The following BSN variants were observed in gnomAD, a reference collection of about 807,000 sequenced individuals.
BSN encodes the protein bassoon presynaptic cytomatrix protein, also known as protein bassoon.
BSN carries 57 observed loss-of-function variants against 264.8 expected under a neutral mutation model. That is an observed-to-expected ratio of 0.22 (90% CI 0.17 to 0.27). The LOEUF (loss-of-function observed/expected upper bound fraction) is 0.27, where lower values mean the gene tolerates loss of function less well. Among genes scored for constraint, BSN ranks in the 10% least tolerant of loss-of-function variants. The pLI is 1.00. For missense variants in BSN, 4,615 were observed against 5,232.5 expected (o/e 0.88, Z 3.64); for synonymous variants, 2,059 against 2,137.3 (o/e 0.96, Z 1.01).
At chr3:49,666,088 A>G (rs2052711293) in intron 11 of BSN, among the ~76,000 whole-genome samples, 2 of 152,222 alleles carry the variant, frequency 1.3e-5, no homozygotes, top group African/African-American at 4.8e-5. Flanking sequence ...AGCCAGGACC[A>G]CTGACCATCA....
chr3:49,611,738 T>C (rs1011825990), intron 1 of BSN, among the ~76,000 whole-genome samples: 1 of 152,228 alleles, frequency 6.6e-6, no homozygotes, highest in African/African-American at 2.4e-5. Context: ...AAGGTCTTAG[T>C]GCAGGAATGC....
chr3:49,567,207 G>T (rs2051758935), intron 1 of BSN, among the ~76,000 whole-genome samples: 1 of 152,006 alleles, frequency 6.6e-6, no homozygotes, highest in Non-Finnish European at 1.5e-5. Flanking sequence ...TTGCCCTTAG[G>T]TTATCCCTTT....
At chr3:49,565,858 A>G (rs1362384189) in intron 1 of BSN, among the ~76,000 whole-genome samples, 1 of 151,966 alleles carries the variant, frequency 6.6e-6, no homozygotes, top group Non-Finnish European at 1.5e-5. Flanking sequence ...GTCTCGCCCT[A>G]TTGCCTAGGC....
chr3:49,613,845 C>T (rs1343539395), intron 1 of BSN, among the ~76,000 whole-genome samples: 1 of 151,904 alleles, frequency 6.6e-6, no homozygotes, highest in Non-Finnish European at 1.5e-5. Context: ...TGCGTTCAGA[C>T]ATTCAAGAAC....
Position 49,580,978 on chromosome 3 carries a change from CT to C in BSN, c.224+26166del, listed in dbSNP as rs71080537. The stretch of plus-strand genomic sequence containing the variant: ...GACCCCTTTCTTCAGCGCCTGTTAA[CT>C]TTTTTTTTTTTTTCTTTTTGAGACA... On this transcript the variant is annotated intron_variant, in intron 1 of 11. Transcript: ENST00000296452. Among the ~76,000 whole-genome samples, 135 of 143,828 alleles carry C rather than the reference CT, an allele frequency of 9.4e-4. 1 individual carries two copies. In the South Asian group the frequency reaches 0.012, roughly 13 times the overall value. 94.4% of individuals were successfully genotyped at this position (143,828 alleles called of 152,430 possible). A position where few individuals can be genotyped will look rare whatever the true frequency, so the allele number is the denominator to read the frequency against.
chr3:49,658,183 G>T lies in BSN; in HGVS notation c.8627G>T (p.Gly2876Val), dbSNP rs200873893. The T allele has an allele frequency of 3.2e-5, 51 of 1,569,750 alleles. No individual in the cohort carries two copies. The highest frequency in any genetic ancestry group is 9.3e-5 in the South Asian group (8 of 86,450). The change falls in exon 5 of 12, where the codon GGA (glycine) becomes GTA (valine). Residue 2876 changes from glycine to valine, a missense_variant. By Grantham distance (109) the Gly-to-Val change is moderately radical. Around this residue, in one of 3 missense-constraint regions of BSN, gnomAD observed 3,415 missense variants for 3,866.4 expected, o/e 0.88. Coordinates refer to ENST00000296452, the MANE Select transcript of BSN (RefSeq NM_003458.4). The part of the protein sequence containing the change: ...ERFSLYQHQG[G>V]LGSQVSALPP... Reference sequence around the variant, plus strand: ...TTCTCCCTCTACCAGCACCAGGGGGGACTGGGTAGCCAGGTATGGGAACAG... The same window carrying T: ...TTCTCCCTCTACCAGCACCAGGGGGTACTGGGTAGCCAGGTATGGGAACAG...
rs753089941 is a variant in BSN, at chr3:49,651,873, T to C, written c.2317T>C (p.Ser773Pro). Residue 773 changes from serine (S) to proline (P), a missense_variant, in exon 5 of 12, where the codon TCT (serine) becomes CCT (proline). By Grantham distance (74) the Ser-to-Pro change is moderately conservative (BLOSUM62 -1). Transcript: ENST00000296452. This position sits in a 1 kb window ranked among gnomAD's most constrained non-coding sequence, Gnocchi z 5.4. ...GTCCATCACGCCTGAGGCCTTTGAC[T>C]CTGATGAGGAGCTGGAGGATATCCT... ...SLSITPEAFD[S>P]DEELEDILEE... 6.2e-7 allele frequency: 1 copy of C among 1,613,964 alleles called. No individual in the cohort carries two copies. Among genetic ancestry groups the C allele is most frequent in the Non-Finnish European group, 8.5e-7 (1 of 1,180,020 alleles).
At position 49,651,683 on chromosome 3, in the gene BSN, C is replaced by T; in HGVS notation, c.2127C>T (p.Asp709=). 6.2e-7 allele frequency: 1 copy of T among 1,614,098 alleles called. No individual in the cohort carries two copies. Among genetic ancestry groups the T allele is most frequent in the Non-Finnish European group, 8.5e-7 (1 of 1,180,012 alleles). ...GVVQQEVEQL[D]SAGVTGPHPP... ...TGCAGCAGGAGGTGGAACAGCTGGA[C>T]AGTGCAGGGGTGACAGGGCCACATC... is the stretch of plus-strand genomic sequence containing the variant. The change falls in exon 5 of 12, where the codon GAC becomes GAT. Residue 709 remains aspartate (D), a synonymous_variant. Coordinates refer to ENST00000296452, the MANE Select transcript of BSN (RefSeq NM_003458.4). The surrounding 1 kb of genome is among the most constrained non-coding windows in gnomAD (Gnocchi z 5.4).
chr3:49,594,319 A>G (rs1354411288), intron 1 of BSN, among the ~76,000 whole-genome samples: 1 of 152,218 alleles, frequency 6.6e-6, no homozygotes, highest in Non-Finnish European at 1.5e-5. Flanking sequence ...ATTTAAGTCT[A>G]TTAGCCATTG....
At chr3:49,641,429 CTGTT>C (rs1317895777) in intron 2 of BSN, among the ~76,000 whole-genome samples, 1 of 152,228 alleles carries the variant, frequency 6.6e-6, no homozygotes, top group Admixed American at 6.5e-5. Flanking sequence ...CTAACCGACT[CTGTT>C]TGCCAGGTCA....
Position 49,625,132 on chromosome 3 carries a change from A to T in BSN, c.382A>T (p.Thr128Ser), listed in dbSNP as rs1559608169. ...CCAGGAGGCTGATGGTCCCCGCAGG[A>T]CGCTGCAGGTAGACAGCAGGACACA... Reference protein sequence around the residue: ...AGQEADGPRRTLQVDSRTQRS... With the variant: ...AGQEADGPRRSLQVDSRTQRS... Residue 128 changes from threonine (T) to serine (S), a missense_variant, in exon 2 of 12, where the codon ACG becomes TCG. Around this residue, in one of 3 missense-constraint regions of BSN, gnomAD observed 1,197 missense variants for 1,348.0 expected, o/e 0.89. Coordinates refer to ENST00000296452, the MANE Select transcript of BSN (RefSeq NM_003458.4). This position sits in a 1 kb window ranked among gnomAD's most constrained non-coding sequence, Gnocchi z 4.4. The T allele has an allele frequency of 2.5e-6, 4 of 1,597,014 alleles. No individual in the cohort carries two copies. The highest frequency in any genetic ancestry group is 3.4e-6 in the Non-Finnish European group (4 of 1,171,798).
rs2052652019 is a variant in BSN, at chr3:49,661,301, C to T, written c.9456C>T (p.Asp3152=). 3 of 1,613,822 alleles carry T rather than the reference C, an allele frequency of 1.9e-6. 1 individual carries two copies. The highest frequency in any genetic ancestry group is 2.7e-5 in the African/African-American group (2 of 74,952). ...AGCCACGCCAGACATCGCTAGCCGA[C>T]TTGGAGCAGAAGGTGCCCACCAACT... ...LQKPRQTSLA[D]LEQKVPTNYE... is the part of the protein sequence containing the mutation. Residue 3152 remains aspartate (D), a synonymous_variant, in exon 6 of 12, where the codon GAC becomes GAT. Coordinates refer to ENST00000296452, the MANE Select transcript of BSN (RefSeq NM_003458.4).
chr3:49,560,351 A>G lies in BSN; in HGVS notation c.224+5525A>G, dbSNP rs111616029. 6.6e-5 allele frequency among the ~76,000 whole-genome samples: 10 copies of G among 152,344 alleles called. 1 individual carries two copies. The highest frequency in any genetic ancestry group is 2.1e-4 in the South Asian group (1 of 4,830). Reference sequence around the variant, plus strand: ...TGTGAAGGTAGGTTGGCAACACTGTAATAGCAGTTATGACTACCATTACTG... The same window carrying G: ...TGTGAAGGTAGGTTGGCAACACTGTGATAGCAGTTATGACTACCATTACTG... On this transcript the variant is annotated intron_variant, in intron 1 of 11. Coordinates refer to ENST00000296452, the MANE Select transcript of BSN (RefSeq NM_003458.4).
intron 1 of BSN, among the ~76,000 whole-genome samples, chr3:49,577,888 A>G (rs2051858734): frequency 6.6e-6 from 1 of 152,190 alleles, no homozygotes; most frequent in Non-Finnish European, 1.5e-5. Flanking sequence ...GGAAATGATA[A>G]GAATACCCAC....
intron 1 of BSN, among the ~76,000 whole-genome samples, chr3:49,564,383 C>T (rs934554558): frequency 6.6e-6 from 1 of 152,222 alleles, no homozygotes. Flanking sequence ...TGGAGGCCTG[C>T]ATGAGTCTCT....
At chr3:49,613,602 C>T (rs1212761350) in intron 1 of BSN, among the ~76,000 whole-genome samples, 2 of 151,608 alleles carry the variant, frequency 1.3e-5, no homozygotes, top group African/African-American at 2.4e-5. Flanking sequence ...TCAAGCGATT[C>T]TTCTGCCTCA....
In BSN at chr3:49,606,143, A is replaced by T. The variant is rs1276276871; in HGVS notation, c.225-18832A>T. 2.6e-3 allele frequency among the ~76,000 whole-genome samples: 153 copies of T among 58,466 alleles called. 6 individuals carry two copies. Among genetic ancestry groups the T allele is most frequent in the Middle Eastern group, 0.04 (2 of 50 alleles). The allele number at this position is 58,466 out of a possible 152,430, so 38.4% of individuals were successfully genotyped here. On this transcript the variant is annotated intron_variant, in intron 1 of 11. Transcript: ENST00000296452. ...CGTATATATTATATATACATATATT[A>T]TATATGTATATATTATATATACATA... is the stretch of plus-strand genomic sequence containing the variant.
chr3:49,629,231 G>T (rs920514373), intron 2 of BSN, among the ~76,000 whole-genome samples: 1 of 152,250 alleles, frequency 6.6e-6, no homozygotes, highest in African/African-American at 2.4e-5. Flanking sequence ...ATTGGCATCA[G>T]TGCCTTTGCT....
intron 1 of BSN, among the ~76,000 whole-genome samples, chr3:49,561,782 A>G (rs2051713249): frequency 6.6e-6 from 1 of 152,050 alleles, no homozygotes; most frequent in Non-Finnish European, 1.5e-5. Flanking sequence ...CGTGTTGTAC[A>G]GTAGATCTCT....
Sources: allele counts gnomAD v4.1 joint callset (sites outside exome capture counted in the v4.1 genomes callset), GRCh38; gene constraint gnomAD v4.1.1; regional missense constraint gnomAD v4.1.1; non-coding constraint Gnocchi (gnomAD v3.1); transcripts MANE v1.5; gene names NCBI Gene and HGNC (gene_info 2026-07-23, HGNC 2026-07-21).